The following KALRN variants were observed in gnomAD, a reference collection of about 807,000 sequenced individuals.
KALRN encodes kalirin RhoGEF kinase.
Under a neutral mutation model 353.7 loss-of-function variants are expected in KALRN, and 70 were observed. The ratio of observed to expected loss-of-function variants is 0.20; its 90% CI spans 0.16 to 0.24. The LOEUF (loss-of-function observed/expected upper bound fraction) is 0.24, where lower values mean the gene tolerates loss of function less well. KALRN is among the 10% of genes least tolerant of loss of function. KALRN has a pLI of 1.00. For synonymous variants in KALRN, 1,391 were observed against 1,434.8 expected (o/e 0.97, Z 0.69); for missense variants, 2,791 against 3,756.7 (o/e 0.74, Z 6.72).
At chr3:124,584,580 T>G in intron 34 of KALRN, 1 of 1,349,480 alleles carries the variant, frequency 7.4e-7, no homozygotes, top group South Asian at 1.7e-5. Flanking sequence ...CCAGGTCTCC[T>G]GCCCACAGCT....
chr3:124,704,640 C>G (rs1303509320), intron 57 of KALRN, among the ~76,000 whole-genome samples: 1 of 152,118 alleles, frequency 6.6e-6, no homozygotes, highest in Admixed American at 6.5e-5. Context: ...TTCGACCTTC[C>G]AGGCTCAAGT....
At chr3:124,527,840 A>T (rs1313578124) in intron 33 of KALRN, among the ~76,000 whole-genome samples, 1 of 152,180 alleles carries the variant, frequency 6.6e-6, no homozygotes, top group African/African-American at 2.4e-5. Context: ...TGAAGAACCT[A>T]GATTCCATTC....
At chr3:124,455,032 A>C (rs1308202128) in intron 21 of KALRN, 145 bp from the exon 22 acceptor site, 2 of 749,848 alleles carry the variant, frequency 2.7e-6, no homozygotes, top group African/African-American at 3.5e-5. Flanking sequence ...GAGATCTCCC[A>C]GTTAGTAGTA....
chr3:124,606,434 C>T (rs1379417373), intron 34 of KALRN, among the ~76,000 whole-genome samples: 2 of 152,156 alleles, frequency 1.3e-5, no homozygotes, highest in Non-Finnish European at 2.9e-5. Context: ...AACGCCCAGG[C>T]CATGTGATGT....
At chr3:124,390,285 T>C (rs1349379578) in intron 11 of KALRN, among the ~76,000 whole-genome samples, 1 of 152,268 alleles carries the variant, frequency 6.6e-6, no homozygotes, top group African/African-American at 2.4e-5. Context: ...TTTTGTAGTA[T>C]AAATATAAGT....
rs1027823816 is a variant in KALRN at position 124,724,903 on chromosome 3, C to A, written c.*5433C>A. The A allele has an allele frequency of 2.0e-5, 3 of 152,042 alleles. No homozygotes were observed. Among genetic ancestry groups the A allele is most frequent in the Non-Finnish European group, 2.9e-5 (2 of 68,002 alleles). 9.4% of individuals were successfully genotyped at this position (152,042 alleles called of 1,614,324 possible). Reference sequence around the variant, plus strand: ...TGCATTTTTCTGTGAGAAATGTGCCCCTTTGCTGTGAGATTCTAAAATGTG... The same window carrying A: ...TGCATTTTTCTGTGAGAAATGTGCCACTTTGCTGTGAGATTCTAAAATGTG... On this transcript the variant is annotated 3_prime_UTR_variant, in exon 60 of 60. Coordinates refer to ENST00000682506, the MANE Select transcript of KALRN (RefSeq NM_001388419.1).
At chr3:124,676,802 C>A (rs2087242663) in intron 49 of KALRN, among the ~76,000 whole-genome samples, 1 of 152,168 alleles carries the variant, frequency 6.6e-6, no homozygotes, top group African/African-American at 2.4e-5. Context: ...AGTTAACAGG[C>A]TGATGCCATC....
chr3:124,369,142 C>T (rs1317487912), intron 10 of KALRN, among the ~76,000 whole-genome samples: 2 of 152,180 alleles, frequency 1.3e-5, no homozygotes, highest in Non-Finnish European at 2.9e-5. Context: ...TCCAAGCATT[C>T]GTGTCTTCAG....
chr3:124,123,921 A>G (rs775415983), intron 1 of KALRN, among the ~76,000 whole-genome samples: 7 of 152,226 alleles, frequency 4.6e-5, no homozygotes, highest in East Asian at 1.9e-4. Context: ...CTCATTGACA[A>G]TACACCTGGT....
intron 3 of KALRN, among the ~76,000 whole-genome samples, chr3:124,242,886 G>A (rs1274525889): frequency 6.6e-6 from 1 of 152,138 alleles, no homozygotes; most frequent in Non-Finnish European, 1.5e-5. Flanking sequence ...TCATCTGTGG[G>A]TGATAGTCAA....
chr3:124,109,746 C>T (rs11717350), intron 1 of KALRN, among the ~76,000 whole-genome samples: 7,586 of 112,530 alleles, frequency 0.067, 26 homozygotes, highest in East Asian at 0.27. Flanking sequence ...ATATATATGA[C>T]ATATATATCA....
chr3:124,697,882 A>C (rs34274007), intron 55 of KALRN, among the ~76,000 whole-genome samples, 158 bp downstream of exon 55: 11,992 of 152,176 alleles, frequency 0.079, 614 homozygotes, highest in Non-Finnish European at 0.11. Context: ...GGCTGGTCTC[A>C]AACGCCAGGG....
rs562295474 is a variant in KALRN, at chr3:124,309,809, A to T, written c.1092+10896A>T. Among the ~76,000 whole-genome samples, 8 of 152,368 alleles carry T rather than the reference A, an allele frequency of 5.3e-5. 1 individual carries two copies. The highest frequency in any genetic ancestry group is 1.9e-4 in the African/African-American group (8 of 41,586). On this transcript the variant is annotated intron_variant, in intron 6 of 59. Transcript: ENST00000682506. Reference sequence around the variant, plus strand: ...CTCAACCAGAAAAAGGGCATCTACAAAAATTCACAGCTATTGTTATACTTA... The same window carrying T: ...CTCAACCAGAAAAAGGGCATCTACATAAATTCACAGCTATTGTTATACTTA...
chr3:124,538,255 T>C (rs994242080), intron 33 of KALRN, among the ~76,000 whole-genome samples: 7 of 120,978 alleles, frequency 5.8e-5, no homozygotes, highest in African/African-American at 2.7e-4. Context: ...TGTGTGTGTG[T>C]GTGTTTGTGT....
In KALRN at chr3:124,722,296, T is replaced by C. The variant is rs1165125572; in HGVS notation, c.*2826T>C. 8 of 152,046 alleles carry C rather than the reference T, an allele frequency of 5.3e-5. No individual in the cohort carries two copies. The highest frequency in any genetic ancestry group is 5.2e-4 in the Admixed American group (8 of 15,254). 9.4% of individuals were successfully genotyped at this position (152,046 alleles called of 1,614,324 possible). ...CAACAGAGTTGGGAGGATCCAGATGTGGGGTTGCATGGAATTCCCCCAAGT... is the reference window on the plus strand; with the variant it reads ...CAACAGAGTTGGGAGGATCCAGATGCGGGGTTGCATGGAATTCCCCCAAGT... On this transcript the variant is annotated 3_prime_UTR_variant, in exon 60 of 60. Coordinates refer to ENST00000682506, the MANE Select transcript of KALRN (RefSeq NM_001388419.1).
intron 54 of KALRN, 74 bp from the exon 55 acceptor site, chr3:124,697,519 A>G (rs1385703456): frequency 2.1e-6 from 3 of 1,424,920 alleles, no homozygotes; most frequent in South Asian, 2.9e-5. Flanking sequence ...AATGTTTCCT[A>G]GATGACTTAT....
intron 1 of KALRN, among the ~76,000 whole-genome samples, chr3:124,099,739 T>C (rs1453256111): frequency 6.6e-6 from 1 of 152,234 alleles, no homozygotes; most frequent in Non-Finnish European, 1.5e-5. Context: ...TTTTTGTCTT[T>C]TTGATAATAA....
intron 38 of KALRN, among the ~76,000 whole-genome samples, chr3:124,651,989 T>C (rs2083466441): frequency 6.6e-6 from 1 of 152,186 alleles, no homozygotes; most frequent in Non-Finnish European, 1.5e-5. Context: ...GCAGAGCTAC[T>C]GATGAGTCTT....
At chr3:124,287,740 A>G (rs2076040465) in intron 5 of KALRN, among the ~76,000 whole-genome samples, 1 of 141,990 alleles carries the variant, frequency 7.0e-6, no homozygotes, top group Admixed American at 7.2e-5. Flanking sequence ...GCTTCTATGG[A>G]ATCAGAAAAT....
Sources: gnomAD v4.1 joint callset for allele counts (sites outside exome capture counted in the v4.1 genomes callset) on GRCh38, gnomAD v4.1.1 for gene constraint, MANE v1.5 for transcripts, NCBI Gene and HGNC (gene_info 2026-07-23, HGNC 2026-07-21) for gene names.